The following LAMA2 variants were observed in gnomAD, a reference collection of about 807,000 sequenced individuals.
The protein encoded by LAMA2 is laminin subunit alpha-2.
A neutral mutation model predicts 364.8 loss-of-function variants in LAMA2; 269 were observed. The observed-to-expected ratio is 0.74, with a 90% CI of 0.67 to 0.82. LAMA2 has a LOEUF of 0.82. Among genes scored for constraint, LAMA2 ranks in the 40% least tolerant of loss-of-function variants. The pLI is 0.00. For synonymous variants in LAMA2, 1,379 were observed against 1,370.6 expected, an observed-to-expected ratio of 1.01 and a Z score of -0.14; for missense variants, 3,807 against 3,873.2, an observed-to-expected ratio of 0.98 and a Z score of 0.45.
At chr6:128,891,349 AG>A (rs1776441047) in intron 1 of LAMA2, among the ~76,000 whole-genome samples, 1 of 152,090 alleles carries the variant, frequency 6.6e-6, no homozygotes. Flanking sequence ...AAATAGAGTT[AG>A]TAGAGTTTGC....
At chr6:129,168,719 G>T (rs1779925449) in intron 9 of LAMA2, among the ~76,000 whole-genome samples, 2 of 143,186 alleles carry the variant, frequency 1.4e-5, no homozygotes, top group African/African-American at 5.3e-5. Context: ...TTGGTAGCTT[G>T]ATGGGGATGG....
chr6:128,886,384 C>T (rs1776149374), intron 1 of LAMA2, among the ~76,000 whole-genome samples: 1 of 151,956 alleles, frequency 6.6e-6, no homozygotes. Context: ...AAGAGAAAGG[C>T]CACTCTGAAT....
chr6:129,149,244 G>A (rs745412988), intron 7 of LAMA2, 148 bp downstream of exon 7: 8 of 692,086 alleles, frequency 1.2e-5, no homozygotes, highest in Non-Finnish European at 1.8e-5. Flanking sequence ...CATATGTCTA[G>A]CTTTTCCTAA....
intron 1 of LAMA2, among the ~76,000 whole-genome samples, chr6:129,040,259 G>T (rs559754083): frequency 2.6e-5 from 4 of 152,156 alleles, no homozygotes; most frequent in Admixed American, 6.5e-5. Flanking sequence ...TTTTGTGGAT[G>T]ATCTTCATGA....
chr6:129,025,173 G>A (rs1029532071), intron 1 of LAMA2, among the ~76,000 whole-genome samples: 1 of 151,950 alleles, frequency 6.6e-6, no homozygotes, highest in Non-Finnish European at 1.5e-5. Flanking sequence ...CACAATTGAG[G>A]TTTTATAAAA....
chr6:129,150,277 A>G (rs1422248395), intron 7 of LAMA2, among the ~76,000 whole-genome samples: 1 of 152,148 alleles, frequency 6.6e-6, no homozygotes, highest in Non-Finnish European at 1.5e-5. Context: ...TTAGTTCTCC[A>G]CAGCTTCTCC....
chr6:128,998,385 AGGGGG>A (rs1784138133), intron 1 of LAMA2, among the ~76,000 whole-genome samples: 1 of 132,550 alleles, frequency 7.5e-6, no homozygotes, highest in Non-Finnish European at 1.6e-5. Context: ...GTATGATGAC[AGGGGG>A]AGGAGCCAAG....
chr6:129,016,028 C>A (rs1251608958), intron 1 of LAMA2, among the ~76,000 whole-genome samples: 2 of 151,960 alleles, frequency 1.3e-5, no homozygotes, highest in African/African-American at 2.4e-5. Context: ...AAGAAATTTT[C>A]TTTTGCCCTT....
intron 12 of LAMA2, among the ~76,000 whole-genome samples, chr6:129,234,168 A>G (rs1001051632): frequency 3.9e-5 from 6 of 152,196 alleles, no homozygotes; most frequent in Admixed American, 6.6e-5. Flanking sequence ...GGACTCCAAT[A>G]TGAGACTTTA....
intron 1 of LAMA2, among the ~76,000 whole-genome samples, chr6:129,033,833 C>G (rs964581199): frequency 6.6e-6 from 1 of 151,702 alleles, no homozygotes; most frequent in African/African-American, 2.4e-5. Context: ...ACTGCCACCC[C>G]CTCTATGAAT....
In LAMA2 at chr6:129,514,552, A is replaced by G; in HGVS notation, c.9168A>G (p.Thr3056=). The G allele has an allele frequency of 2.5e-6, 4 of 1,614,184 alleles. No individual in the cohort carries two copies. The South Asian group carries it at 4.4e-5, about 18-fold the overall frequency. ...CCCAAAGCCCAAACCCAGCATCTAC[A>G]TCAGCTGACACAAATGACCCTGTGT... ...VEAQSPNPAS[T]SADTNDPVFV... is the part of the protein sequence containing the mutation. The change falls in exon 64 of 65, where the codon ACA becomes ACG. Residue 3056 remains threonine, a synonymous_variant. Coordinates refer to ENST00000421865, the MANE Select transcript of LAMA2 (RefSeq NM_000426.4).
intron 34 of LAMA2, among the ~76,000 whole-genome samples, chr6:129,382,900 A>G (rs537112632): frequency 7.2e-5 from 11 of 152,350 alleles, no homozygotes; most frequent in African/African-American, 2.6e-4. Flanking sequence ...CGTTTTTTAA[A>G]AGACCAAATA....
At chr6:129,437,650 G>A (rs1781899899) in intron 41 of LAMA2, among the ~76,000 whole-genome samples, 1 of 151,912 alleles carries the variant, frequency 6.6e-6, no homozygotes, top group African/African-American at 2.4e-5. Context: ...GTCAAGAGAG[G>A]TAAATAATAT....
intron 35 of LAMA2, among the ~76,000 whole-genome samples, chr6:129,388,134 A>G (rs938770727): frequency 2.6e-5 from 4 of 151,924 alleles, no homozygotes; most frequent in South Asian, 2.1e-4. Context: ...GGCATGCGCT[A>G]TAATTCCAGC....
At chr6:129,141,098 G>A (rs776973563) in intron 4 of LAMA2, among the ~76,000 whole-genome samples, 5 of 152,094 alleles carry the variant, frequency 3.3e-5, no homozygotes, top group Middle Eastern at 3.4e-3. Flanking sequence ...GACATGTAGC[G>A]ATTTCCTCCT....
chr6:129,497,233 T>C (rs1356143959), intron 58 of LAMA2, among the ~76,000 whole-genome samples: 1 of 152,178 alleles, frequency 6.6e-6, no homozygotes, highest in East Asian at 1.9e-4. Flanking sequence ...TTTCCATTTT[T>C]GTATCAGAAT....
In LAMA2 at chr6:129,312,954, T is replaced by A; in HGVS notation, c.3268T>A (p.Cys1090Ser). The change falls in exon 23 of 65, where the codon TGT becomes AGT. Residue 1090 changes from cysteine to serine, a missense_variant. Around this residue, in one of 3 missense-constraint regions of LAMA2, gnomAD observed 3,333 missense variants for 3,345.7 expected, o/e 1.00. Coordinates refer to ENST00000421865, the MANE Select transcript of LAMA2 (RefSeq NM_000426.4). ...TCATCCAAAATTCTCTGGTGCAAAA[T>A]GTACAGAGTGCAGTCGAGGTCACTG... ...NCHPKFSGAKCTECSRGHWNY... is the reference protein window; with the variant it reads ...NCHPKFSGAKSTECSRGHWNY... 6.2e-7 allele frequency: 1 copy of A among 1,614,154 alleles called. No individual in the cohort carries two copies. Among genetic ancestry groups the A allele is most frequent in the Non-Finnish European group, 8.5e-7 (1 of 1,180,002 alleles).
intron 58 of LAMA2, among the ~76,000 whole-genome samples, chr6:129,501,115 G>A (rs1056140117): frequency 5.3e-5 from 8 of 152,128 alleles, no homozygotes; most frequent in Admixed American, 1.3e-4. Context: ...TGTGTTTATC[G>A]AGACGGTCCT....
chr6:129,104,050 G>T (rs1775680168), intron 4 of LAMA2, among the ~76,000 whole-genome samples: 1 of 150,882 alleles, frequency 6.6e-6, no homozygotes, highest in Non-Finnish European at 1.5e-5. Flanking sequence ...TTACAAACAG[G>T]TTCTCATTGT....
Sources: allele counts gnomAD v4.1 joint callset (sites outside exome capture counted in the v4.1 genomes callset), GRCh38; gene constraint gnomAD v4.1.1; regional missense constraint gnomAD v4.1.1; transcripts MANE v1.5; gene names NCBI Gene and HGNC (gene_info 2026-07-23, HGNC 2026-07-21).